Variants in HPSE2 observed in about 807,000 individuals in gnomAD.
HPSE2 encodes heparanase 2 (inactive), also known as inactive heparanase-2.
In HPSE2, 38 loss-of-function variants were observed where a neutral mutation model predicts 60.5. That is an observed-to-expected ratio of 0.63 (90% CI 0.48 to 0.82). The LOEUF (loss-of-function observed/expected upper bound fraction) is 0.82. Ranked by LOEUF, HPSE2 falls within the 40% of genes least tolerant of loss-of-function variation. HPSE2 has a pLI of 0.00. For synonymous variants in HPSE2, 295 were observed against 293.2 expected (o/e 1.01, Z -0.06); for missense variants, 713 against 740.4 (o/e 0.96, Z 0.43).
At chr10:99,246,004 G>A in the HPSE2 span, among the ~76,000 whole-genome samples, 8 of 152,112 alleles carry the variant, frequency 5.3e-5, no homozygotes, top group East Asian at 1.9e-4. Context: ...TGAGAAACAC[G>A]CAAAACCAGA....
intron 2 of HPSE2, among the ~76,000 whole-genome samples, chr10:99,152,077 C>T (rs1490558420): frequency 1.3e-5 from 2 of 151,608 alleles, no homozygotes; most frequent in African/African-American, 2.4e-5. Context: ...TTTGGGAGGC[C>T]GAGGCGGGCA....
intron 9 of HPSE2, among the ~76,000 whole-genome samples, chr10:98,569,482 A>G (rs1451142183): frequency 2.6e-5 from 4 of 152,218 alleles, no homozygotes; most frequent in Non-Finnish European, 1.5e-5. Context: ...TAACAAAAAT[A>G]TAGAGTTATA....
rs1948565598 is a variant in HPSE2 at position 98,707,056 on chromosome 10, A to C, written c.957-13109T>G. Among the ~76,000 whole-genome samples, 3 of 152,022 alleles carry C rather than the reference A, an allele frequency of 2.0e-5. No individual in the cohort carries two copies. The South Asian group carries it at 6.2e-4, about 32-fold the overall frequency. On this transcript the variant is annotated intron_variant, in intron 5 of 11. Coordinates refer to ENST00000370552, the MANE Select transcript of HPSE2 (RefSeq NM_021828.5). ...AGATACTGGTGAAGATAAGCTGGCA[A>C]GAGATTACTACAGAGACATGGGAGG... is the stretch of plus-strand genomic sequence containing the variant.
At chr10:98,639,014 C>T (rs1280173913) in intron 7 of HPSE2, among the ~76,000 whole-genome samples, 2 of 152,176 alleles carry the variant, frequency 1.3e-5, no homozygotes, top group Non-Finnish European at 2.9e-5. Context: ...GCCACTCCCG[C>T]ATTGAAAGGA....
chr10:99,250,525 A>G, the HPSE2 span, among the ~76,000 whole-genome samples: 2 of 152,210 alleles, frequency 1.3e-5, no homozygotes, highest in South Asian at 4.1e-4. Context: ...TCTACAAAAT[A>G]CTCTGCTCAT....
chr10:98,765,553 G>A (rs769578233), intron 3 of HPSE2, among the ~76,000 whole-genome samples: 25 of 152,216 alleles, frequency 1.6e-4, no homozygotes, highest in Non-Finnish European at 2.8e-4. Context: ...TATTTAAAAT[G>A]AAGAGGCCAG....
At chr10:98,778,264 C>CACAGAGAGAGAGAGAG (rs1554991959) in intron 3 of HPSE2, among the ~76,000 whole-genome samples, 1 of 112,654 alleles carries the variant, frequency 8.9e-6, no homozygotes, top group African/African-American at 3.4e-5. Context: ...GAGAGAGAGA[C>CACAGAGAGAGAGAGAG]AGAGAGAGAG....
intron 9 of HPSE2, among the ~76,000 whole-genome samples, chr10:98,495,941 G>A (rs1941822575): frequency 6.6e-6 from 1 of 151,972 alleles, no homozygotes; most frequent in East Asian, 1.9e-4. Flanking sequence ...TGTATGCTTT[G>A]TAATTTTGTT....
intron 3 of HPSE2, among the ~76,000 whole-genome samples, chr10:99,046,587 T>G (rs10786501): frequency 0.51 from 77,472 of 151,948 alleles, 22,214 homozygotes; most frequent in Non-Finnish European, 0.64. Context: ...CCCTAAAGAC[T>G]CCCCAAAAGG....
intron 2 of HPSE2, among the ~76,000 whole-genome samples, chr10:99,174,497 T>C (rs1847445418): frequency 6.6e-6 from 1 of 152,198 alleles, no homozygotes; most frequent in Non-Finnish European, 1.5e-5. Context: ...CATTATTCTG[T>C]GCCCTATCCT....
chr10:98,696,242 G>C (rs1948209275), intron 5 of HPSE2, among the ~76,000 whole-genome samples: 1 of 149,386 alleles, frequency 6.7e-6, no homozygotes, highest in South Asian at 2.1e-4. Context: ...TTTTATGTAG[G>C]GACAGGGCCA....
rs1949947785 is a variant in HPSE2 at position 98,759,133 on chromosome 10, C to G, written c.611-15077G>C. Among the ~76,000 whole-genome samples, 4 of 151,984 alleles carry G rather than the reference C, an allele frequency of 2.6e-5. No homozygotes were observed. The South Asian group carries it at 8.3e-4, about 31-fold the overall frequency. ...CTCACTGACATGTTATTGCTAAACA[C>G]TGAGTATACATGGACACAAAGAAGG... is the stretch of plus-strand genomic sequence containing the variant. On this transcript the variant is annotated intron_variant, in intron 3 of 11. Transcript: ENST00000370552.
At chr10:98,495,436 C>T (rs962386636) in intron 9 of HPSE2, among the ~76,000 whole-genome samples, 2 of 152,006 alleles carry the variant, frequency 1.3e-5, no homozygotes, top group African/African-American at 2.4e-5. Context: ...AAATTTGAGA[C>T]GTTTTCAGCC....
chr10:99,265,468 T>C, the HPSE2 span, among the ~76,000 whole-genome samples: 2 of 152,074 alleles, frequency 1.3e-5, no homozygotes, highest in African/African-American at 2.4e-5. Context: ...AAAGGAAGAA[T>C]AGCTAGTGGA....
chr10:99,139,387 A>C (rs139334472), intron 3 of HPSE2, among the ~76,000 whole-genome samples: 6 of 152,264 alleles, frequency 3.9e-5, no homozygotes, highest in African/African-American at 1.4e-4. Context: ...ATCACTATAC[A>C]ATTCATCCAT....
intron 3 of HPSE2, among the ~76,000 whole-genome samples, chr10:98,832,227 T>C (rs1169915999): frequency 2.6e-5 from 4 of 152,206 alleles, no homozygotes; most frequent in African/African-American, 9.6e-5. Flanking sequence ...ATCCAGAAAC[T>C]GTAAAGGACT....
the HPSE2 span, among the ~76,000 whole-genome samples, chr10:99,284,500 C>G: frequency 6.6e-6 from 1 of 152,044 alleles, no homozygotes; most frequent in African/African-American, 2.4e-5. Flanking sequence ...GATCAAAGAC[C>G]TAAAATTAAG....
At position 98,999,378 on chromosome 10, in the gene HPSE2, T is replaced by C. The variant is rs73337519; in HGVS notation, c.610+144860A>G. 2.8e-3 allele frequency among the ~76,000 whole-genome samples: 433 copies of C among 152,302 alleles called. 4 individuals are homozygous for C. The highest frequency in any genetic ancestry group is 9.7e-3 in the African/African-American group (403 of 41,564). ...TGCCTGAAGAGCTTACGTGTGCCTA[T>C]TTATTTAATCTTCCCAACATCCTTG... is the stretch of plus-strand genomic sequence containing the variant. On this transcript the variant is annotated intron_variant, in intron 3 of 11. Transcript: ENST00000370552.
intron 2 of HPSE2, among the ~76,000 whole-genome samples, chr10:99,151,068 G>C (rs1179857116): frequency 6.6e-6 from 1 of 151,698 alleles, no homozygotes; most frequent in Non-Finnish European, 1.5e-5. Flanking sequence ...ACAACAAAAA[G>C]ATATAAAGTC....
Sources: gnomAD v4.1 joint callset for allele counts (sites outside exome capture counted in the v4.1 genomes callset) on GRCh38, gnomAD v4.1.1 for gene constraint, MANE v1.5 for transcripts, NCBI Gene and HGNC (gene_info 2026-07-23, HGNC 2026-07-21) for gene names.